The following PDXDC1 variants were observed in gnomAD, a reference collection of about 807,000 sequenced individuals.
PDXDC1 encodes pyridoxal-dependent decarboxylase domain-containing protein 1.
A neutral mutation model predicts 100.1 loss-of-function variants in PDXDC1; 42 were observed. That is an observed-to-expected ratio of 0.42 (90% CI 0.33 to 0.54). PDXDC1 has a LOEUF of 0.54. Among genes scored for constraint, PDXDC1 ranks in the 20% least tolerant of loss-of-function variants. PDXDC1 has a pLI of 0.10. For missense variants in PDXDC1, 636 were observed against 979.2 expected, an observed-to-expected ratio of 0.65 and a Z score of 4.68; for synonymous variants, 260 against 371.7, an observed-to-expected ratio of 0.70 and a Z score of 3.46.
At position 15,131,172 on chromosome 16, in the gene PDXDC1, C is replaced by G; in HGVS notation, c.1400-7707C>G. 3 of 1,590,490 alleles carry G rather than the reference C, an allele frequency of 1.9e-6. No individual in the cohort carries two copies. The South Asian group carries it at 3.3e-5, about 18-fold the overall frequency. On this transcript the variant is annotated intron_variant, in intron 16 of 16. Transcript: ENST00000535621. Reference sequence around the variant, plus strand: ...GGGTGACCACAGCACCGACGGAGGCCTGGGGCTGGACCACAACGGAGTTGG... The same window carrying G: ...GGGTGACCACAGCACCGACGGAGGCGTGGGGCTGGACCACAACGGAGTTGG...
intron 12 of PDXDC1, 52 bp downstream of exon 12, chr16:15,019,017 C>G (rs1447213792): frequency 1.9e-6 from 3 of 1,596,150 alleles, no homozygotes; most frequent in Non-Finnish European, 2.6e-6. Flanking sequence ...ACAGCAGAGA[C>G]AGAAAAACAT....
chr16:15,064,651 AC>A (rs2044878393), intron 16 of PDXDC1, among the ~76,000 whole-genome samples: 1 of 152,228 alleles, frequency 6.6e-6, no homozygotes, highest in East Asian at 1.9e-4. Context: ...AAAACAAAAA[AC>A]AAAAAACCCT....
chr16:15,075,974 G>A (rs2045437341), intron 16 of PDXDC1, among the ~76,000 whole-genome samples: 1 of 152,146 alleles, frequency 6.6e-6, no homozygotes, highest in African/African-American at 2.4e-5. Flanking sequence ...TGATTGACAA[G>A]GCATCAGAAA....
At chr16:15,069,835 CTCTT>C (rs1277315936) in intron 16 of PDXDC1, among the ~76,000 whole-genome samples, 1 of 152,318 alleles carries the variant, frequency 6.6e-6, no homozygotes, top group East Asian at 1.9e-4. Context: ...AGGCAGAAAC[CTCTT>C]TCTTAACCTC....
rs150968177 is a variant in PDXDC1 at position 15,017,386 on chromosome 16, T to C, written c.927T>C (p.Pro309=). 54 of 1,614,200 alleles carry C rather than the reference T, an allele frequency of 3.3e-5. No homozygotes were observed. In the African/African-American group the frequency reaches 6.9e-4, roughly 21 times the overall value. Residue 309 remains proline (P), a synonymous_variant, in exon 11 of 23, where the codon CCT becomes CCC. Coordinates refer to ENST00000396410, the MANE Select transcript of PDXDC1 (RefSeq NM_015027.4). ...CGTGGCTGGGTTTGCCAGCTGTTCC[T>C]GCGGTGACACTGTATAAACACGATG... ...PGPWLGLPAV[P]AVTLYKHDDP...
intron 12 of PDXDC1, among the ~76,000 whole-genome samples, chr16:15,020,272 G>A (rs1391220996): frequency 4.5e-4 from 68 of 152,274 alleles, no homozygotes; most frequent in Admixed American, 3.9e-4. Context: ...CTCGAGGAAC[G>A]AATACAGGTA....
intron 1 of PDXDC1, among the ~76,000 whole-genome samples, chr16:14,992,103 G>C (rs1446290971): frequency 1.3e-5 from 2 of 152,284 alleles, no homozygotes; most frequent in African/African-American, 2.4e-5. Context: ...TCACAGTAAA[G>C]GGTGTAAGGA....
At chr16:15,122,714 A>T (rs1436271393) in intron 16 of PDXDC1, among the ~76,000 whole-genome samples, 1 of 146,218 alleles carries the variant, frequency 6.8e-6, no homozygotes, top group Non-Finnish European at 1.5e-5. Flanking sequence ...CCGCACCCGC[A>T]TGTCCTGGTC....
chr16:15,150,347 C>CAATAAATA, the PDXDC1 span, among the ~76,000 whole-genome samples: 3,046 of 141,192 alleles, frequency 0.022, 61 homozygotes, highest in South Asian at 0.037. Flanking sequence ...TCTCAAATAA[C>CAATAAATA]AATAAATAAA....
At chr16:15,123,301 G>A in intron 16 of PDXDC1, 1 of 1,459,312 alleles carries the variant, frequency 6.9e-7, no homozygotes, top group East Asian at 2.5e-5. Context: ...CTGATTTCTG[G>A]TCCACCCCAA....
Position 15,078,812 on chromosome 16 carries a change from C to CT in PDXDC1, c.1399+48773dup, listed in dbSNP as rs5816111. 1.3e-3 allele frequency among the ~76,000 whole-genome samples: 155 copies of CT among 117,644 alleles called. 1 individual carries two copies. Among genetic ancestry groups the CT allele is most frequent in the South Asian group, 1.7e-3 (6 of 3,536 alleles). 77.2% of individuals were successfully genotyped at this position (117,644 alleles called of 152,430 possible). The stretch of plus-strand genomic sequence containing the variant: ...AACTGCCTCCTCTTCGTATTTTTTT[C>CT]TTTTTTTTTTTTTTTTTGAGACAGA... On this transcript the variant is annotated intron_variant, in intron 16 of 16. Coordinates refer to the PDXDC1 transcript ENST00000535621.
At chr16:15,064,825 A>T (rs1231715000) in intron 16 of PDXDC1, among the ~76,000 whole-genome samples, 1 of 152,230 alleles carries the variant, frequency 6.6e-6, no homozygotes, top group Non-Finnish European at 1.5e-5. Flanking sequence ...CTTCTGGTGA[A>T]GAGCCCTAAA....
At chr16:15,140,201 T>C (rs949181569), downstream of PDXDC1, among the ~76,000 whole-genome samples, 2 of 149,256 alleles carry the variant, frequency 1.3e-5, no homozygotes, top group African/African-American at 4.9e-5. Flanking sequence ...TCCCAGCACT[T>C]TGGGAGGCTG....
chr16:15,076,724 C>A (rs1451779495), intron 16 of PDXDC1: 1 of 1,038,368 alleles, frequency 9.6e-7, no homozygotes, highest in Non-Finnish European at 1.5e-6. Flanking sequence ...GATGGAAATT[C>A]ATCTGATATA....
In PDXDC1 at chr16:15,128,986, T is replaced by G. The variant is rs949626299; in HGVS notation, c.1400-9893T>G. On this transcript the variant is annotated intron_variant, in intron 16 of 16. Coordinates refer to the PDXDC1 transcript ENST00000535621. ...ACGCCGGCCTAATTTTTTTGTATTTTTTAGTAGAGACAGGGTTTCACCGTT... is the reference window on the plus strand; with the variant it reads ...ACGCCGGCCTAATTTTTTTGTATTTGTTAGTAGAGACAGGGTTTCACCGTT... Among the ~76,000 whole-genome samples the G allele has an allele frequency of 9.4e-4, 142 of 150,536 alleles. 2 individuals carry two copies. Among genetic ancestry groups the G allele is most frequent in the Non-Finnish European group, 5.2e-4 (35 of 67,564 alleles).
At chr16:15,022,925 C>T (rs1485290937) in intron 13 of PDXDC1, among the ~76,000 whole-genome samples, 171 bp downstream of exon 13, 1 of 152,256 alleles carries the variant, frequency 6.6e-6, no homozygotes, top group African/African-American at 2.4e-5. Context: ...ACAAAAAAAC[C>T]TGCTTATATT....
chr16:14,985,492 G>A (rs1260520582), intron 1 of PDXDC1, among the ~76,000 whole-genome samples: 2 of 152,162 alleles, frequency 1.3e-5, no homozygotes, highest in African/African-American at 2.4e-5. Context: ...TTTCTACTGT[G>A]TTAGCCAGGA....
chr16:15,151,796 T>A, the PDXDC1 span, among the ~76,000 whole-genome samples: 1 of 125,496 alleles, frequency 8.0e-6, no homozygotes, highest in Non-Finnish European at 1.8e-5. Context: ...CCAGGAATGG[T>A]GGTGCACGCC....
intron 1 of PDXDC1, chr16:14,976,896 C>T (rs1222939519): frequency 6.6e-6 from 1 of 152,310 alleles, no homozygotes; most frequent in Non-Finnish European, 1.5e-5. Context: ...TTATCAATTT[C>T]CTAAGAAGGT....
Sources: allele counts gnomAD v4.1 joint callset (sites outside exome capture counted in the v4.1 genomes callset), GRCh38; gene constraint gnomAD v4.1.1; transcripts MANE v1.5; gene names NCBI Gene and HGNC (gene_info 2026-07-23, HGNC 2026-07-21).